The following DPP10 variants were observed in gnomAD, a reference collection of about 807,000 sequenced individuals.
DPP10 encodes dipeptidyl peptidase like 10.
A neutral mutation model predicts 120.9 loss-of-function variants in DPP10; 33 were observed. That is an observed-to-expected ratio of 0.27 (90% CI 0.21 to 0.37). DPP10 has a LOEUF of 0.37. Among genes scored for constraint, DPP10 ranks in the 10% least tolerant of loss-of-function variants. The probability of loss-of-function intolerance (pLI) is 1.00; values close to 1 mark genes in which losing one functional copy is unlikely to be tolerated. For synonymous variants in DPP10, 337 were observed against 326.1 expected (o/e 1.03, Z -0.36); for missense variants, 816 against 942.8 (o/e 0.87, Z 1.76).
intron 1 of DPP10, among the ~76,000 whole-genome samples, chr2:114,666,160 C>G (rs541178416): frequency 1.3e-5 from 2 of 152,248 alleles, no homozygotes; most frequent in Admixed American, 1.3e-4. Flanking sequence ...ATCTTACTCC[C>G]TATTCCTAAT....
chr2:114,744,849 C>T (rs577736059), intron 1 of DPP10, among the ~76,000 whole-genome samples: 1 of 152,286 alleles, frequency 6.6e-6, no homozygotes, highest in East Asian at 1.9e-4. Context: ...GCAACCTCCA[C>T]ATCCCAGGTT....
chr2:114,700,715 G>A (rs1199069579), intron 1 of DPP10, among the ~76,000 whole-genome samples: 4 of 151,998 alleles, frequency 2.6e-5, no homozygotes, highest in African/African-American at 4.8e-5. Flanking sequence ...CTCTTCACTG[G>A]AGCTTTTCTT....
intron 3 of DPP10, among the ~76,000 whole-genome samples, chr2:115,477,080 G>A (rs374762074): frequency 3.3e-5 from 5 of 152,252 alleles, no homozygotes; most frequent in African/African-American, 1.2e-4. Flanking sequence ...TGAAATTGCT[G>A]AAAAATTGTC....
chr2:115,043,641 A>G (rs964495446), intron 1 of DPP10, among the ~76,000 whole-genome samples: 1 of 152,194 alleles, frequency 6.6e-6, no homozygotes, highest in African/African-American at 2.4e-5. Flanking sequence ...TCCTCATTGC[A>G]TGTCTGCTGG....
At chr2:115,291,430 A>G (rs190771078) in intron 1 of DPP10, among the ~76,000 whole-genome samples, 151 of 152,220 alleles carry the variant, frequency 9.9e-4, no homozygotes, top group African/African-American at 3.4e-3. Flanking sequence ...CCAACATAAC[A>G]TATTGAATTT....
At chr2:115,161,879 C>A in intron 1 of DPP10, 4 of 1,362,490 alleles carry the variant, frequency 2.9e-6, no homozygotes, top group Non-Finnish European at 3.8e-6. Flanking sequence ...GCGCCCGTGA[C>A]CTGCGAACGC....
chr2:115,191,848 C>G (rs1211074714), intron 1 of DPP10, among the ~76,000 whole-genome samples: 1 of 152,132 alleles, frequency 6.6e-6, no homozygotes, highest in Admixed American at 6.5e-5. Context: ...GCTAAAAGAC[C>G]TTTAGCTCTG....
chr2:115,760,350 T>G (rs1679964086), intron 11 of DPP10, among the ~76,000 whole-genome samples: 1 of 152,188 alleles, frequency 6.6e-6, no homozygotes, highest in African/African-American at 2.4e-5. Flanking sequence ...ATGATTTCAA[T>G]TATCTGATTT....
rs868013216 is a variant in DPP10 at position 115,498,452 on chromosome 2, T to C, written c.272-1058T>C. Among the ~76,000 whole-genome samples the C allele has an allele frequency of 1.6e-4, 24 of 152,106 alleles. 1 individual carries two copies. Among genetic ancestry groups the C allele is most frequent in the Middle Eastern group, 3.4e-3 (1 of 294 alleles). On this transcript the variant is annotated intron_variant, in intron 3 of 25. Coordinates refer to ENST00000410059, the MANE Select transcript of DPP10 (RefSeq NM_020868.6). ...CATCATTTAGTACTTGTTTTATAAC[T>C]TTGCAAGTGGAGACATTCAGTTTCT... is the stretch of plus-strand genomic sequence containing the variant.
intron 5 of DPP10, among the ~76,000 whole-genome samples, chr2:115,646,996 C>G (rs1248136119): frequency 6.6e-6 from 1 of 151,892 alleles, no homozygotes; most frequent in Non-Finnish European, 1.5e-5. Context: ...GATAGTCATT[C>G]TATAGTAACC....
At chr2:114,651,539 T>A (rs1389117297) in intron 1 of DPP10, among the ~76,000 whole-genome samples, 1 of 152,144 alleles carries the variant, frequency 6.6e-6, no homozygotes, top group African/African-American at 2.4e-5. Context: ...TAAGCTCCAG[T>A]GATATTTAGG....
At chr2:114,798,235 G>A (rs1462652740) in intron 1 of DPP10, among the ~76,000 whole-genome samples, 1 of 152,084 alleles carries the variant, frequency 6.6e-6, no homozygotes, top group African/African-American at 2.4e-5. Context: ...AAAAATTAGT[G>A]AAATATGAGG....
At chr2:114,933,915 A>G (rs1439255086) in intron 1 of DPP10, among the ~76,000 whole-genome samples, 3 of 152,154 alleles carry the variant, frequency 2.0e-5, no homozygotes, top group Non-Finnish European at 4.4e-5. Context: ...CACACTGAGA[A>G]TTGCTGATCT....
At chr2:115,587,273 T>C (rs1229847673) in intron 5 of DPP10, among the ~76,000 whole-genome samples, 8 of 151,952 alleles carry the variant, frequency 5.3e-5, no homozygotes, top group Non-Finnish European at 1.2e-4. Flanking sequence ...AATTTTTTTG[T>C]ATGTTTAGTA....
intron 1 of DPP10, among the ~76,000 whole-genome samples, chr2:115,075,034 A>G (rs182783803): frequency 2.6e-5 from 4 of 152,324 alleles, no homozygotes; most frequent in Admixed American, 1.3e-4. Flanking sequence ...TCCCACAGAC[A>G]AGAGAGTGAG....
At chr2:115,153,036 G>A (rs919621532) in intron 1 of DPP10, among the ~76,000 whole-genome samples, 1 of 152,134 alleles carries the variant, frequency 6.6e-6, no homozygotes, top group Non-Finnish European at 1.5e-5. Context: ...GTAGATTGCA[G>A]TTTATAGAAG....
intron 1 of DPP10, among the ~76,000 whole-genome samples, chr2:115,270,868 A>ATCTATTTG (rs1419396487): frequency 1.3e-5 from 2 of 151,078 alleles, no homozygotes; most frequent in African/African-American, 4.9e-5. Flanking sequence ...TCCATTTGAA[A>ATCTATTTG]TCTATTTGTT....
intron 1 of DPP10, among the ~76,000 whole-genome samples, chr2:114,744,258 A>G (rs1678349991): frequency 6.6e-6 from 1 of 152,218 alleles, no homozygotes; most frequent in African/African-American, 2.4e-5. Flanking sequence ...AAGATGTTTG[A>G]GCAAAGAGTA....
intron 1 of DPP10, among the ~76,000 whole-genome samples, chr2:115,016,945 A>G (rs896212242): frequency 3.9e-5 from 6 of 151,946 alleles, no homozygotes; most frequent in African/African-American, 1.2e-4. Flanking sequence ...TTCTCAGTAA[A>G]CTATCGCAAG....
Sources: gnomAD v4.1 joint callset for allele counts (sites outside exome capture counted in the v4.1 genomes callset) on GRCh38, gnomAD v4.1.1 for gene constraint, MANE v1.5 for transcripts, NCBI Gene and HGNC (gene_info 2026-07-23, HGNC 2026-07-21) for gene names.